FLRT2: variants seen among roughly 807,000 people sequenced by gnomAD.
FLRT2 encodes the protein leucine-rich repeat transmembrane protein FLRT2.
FLRT2 carries 15 observed loss-of-function variants against 40.0 expected under a neutral mutation model. That is an observed-to-expected ratio of 0.38 (90% CI 0.25 to 0.58). The LOEUF (loss-of-function observed/expected upper bound fraction) is 0.58, where lower values mean the gene tolerates loss of function less well. Among genes scored for constraint, FLRT2 ranks in the 20% least tolerant of loss-of-function variants. The probability of loss-of-function intolerance (pLI) is 0.71; values close to 1 mark genes in which losing one functional copy is unlikely to be tolerated. For missense variants in FLRT2, 726 were observed against 840.0 expected (o/e 0.86, Z 1.68); for synonymous variants, 380 against 336.8 (o/e 1.13, Z -1.41).
intron 1 of FLRT2, among the ~76,000 whole-genome samples, chr14:85,613,080 G>A (rs758034530): frequency 1.3e-5 from 2 of 152,062 alleles, no homozygotes; most frequent in Non-Finnish European, 2.9e-5. Context: ...TTCTAACTGT[G>A]TGGAATGGTA....
chr14:85,608,811 G>A lies in FLRT2; in HGVS notation c.-376-12328G>A, dbSNP rs534475882. On this transcript the variant is annotated intron_variant, in intron 1 of 1. Transcript: ENST00000330753. ...GAGCCACTGCCCTCAACAGGCCCACGCAAACATTTGCCAGCGTCCTGAGCA... is the reference window on the plus strand; with the variant it reads ...GAGCCACTGCCCTCAACAGGCCCACACAAACATTTGCCAGCGTCCTGAGCA... Among the ~76,000 whole-genome samples, 17 of 152,244 alleles carry A rather than the reference G, an allele frequency of 1.1e-4. No individual in the cohort carries two copies. In the South Asian group the frequency reaches 1.4e-3, roughly 13 times the overall value.
At chr14:85,616,198 A>G (rs921624343) in intron 1 of FLRT2, among the ~76,000 whole-genome samples, 1 of 152,022 alleles carries the variant, frequency 6.6e-6, no homozygotes, top group Non-Finnish European at 1.5e-5. Context: ...TCTCCTTTAA[A>G]TGAGAATTTC....
rs61634735 is a variant in FLRT2, at chr14:85,566,549, TTG to T, written c.-377+36042_-377+36043del. On this transcript the variant is annotated intron_variant, in intron 1 of 1. Transcript: ENST00000330753. ...CACTCAGTCCTCTTAACTTCCATGG[TTG>T]TGTGTGTGTGTGTGTGTGTGTGTGT... 4.9e-3 allele frequency among the ~76,000 whole-genome samples: 643 copies of T among 130,904 alleles called. 5 individuals carry two copies. Among genetic ancestry groups the T allele is most frequent in the African/African-American group, 0.016 (605 of 37,906 alleles). 85.9% of individuals were successfully genotyped at this position (130,904 alleles called of 152,430 possible).
At chr14:85,578,232 A>T (rs1211074958) in intron 1 of FLRT2, among the ~76,000 whole-genome samples, 1 of 146,538 alleles carries the variant, frequency 6.8e-6, no homozygotes, top group Non-Finnish European at 1.5e-5. Flanking sequence ...ATATTTATAT[A>T]TTTTTTATGT....
At chr14:85,543,529 A>T (rs2139813224) in intron 1 of FLRT2, among the ~76,000 whole-genome samples, 1 of 149,176 alleles carries the variant, frequency 6.7e-6, no homozygotes, top group African/African-American at 2.5e-5. Context: ...TAATTTTCTA[A>T]AAAAAAAAAA....
intron 1 of FLRT2, among the ~76,000 whole-genome samples, chr14:85,592,488 A>G (rs376594836): frequency 6.6e-6 from 1 of 152,150 alleles, no homozygotes; most frequent in Non-Finnish European, 1.5e-5. Flanking sequence ...ATTACTTGCC[A>G]GGTGAAAATC....
At chr14:85,572,347 C>T (rs556457318) in intron 1 of FLRT2, among the ~76,000 whole-genome samples, 265 of 152,284 alleles carry the variant, frequency 1.7e-3, no homozygotes, top group African/African-American at 6.0e-3. Flanking sequence ...GGCTATTCAT[C>T]AGGAGCTGCC....
intron 1 of FLRT2, among the ~76,000 whole-genome samples, chr14:85,580,506 T>C (rs7155195): frequency 0.64 from 97,834 of 152,022 alleles, 32,543 homozygotes; most frequent in African/African-American, 0.81. Context: ...TAGAAAATAG[T>C]ATTCACACAT....
chr14:85,618,688 A>T (rs1893246701), intron 1 of FLRT2, among the ~76,000 whole-genome samples: 1 of 152,238 alleles, frequency 6.6e-6, no homozygotes, highest in East Asian at 1.9e-4. Flanking sequence ...AGAGTCATGT[A>T]ACATGCTCTT....
In FLRT2 at chr14:85,630,258, CACAT is replaced by C. The variant is rs1893830524; in HGVS notation, c.*6764_*6767del. The C allele has an allele frequency of 7.0e-6, 1 of 142,742 alleles. No individual in the cohort carries two copies. The highest frequency in any genetic ancestry group is 2.3e-4 in the South Asian group (1 of 4,334). 8.8% of individuals were successfully genotyped at this position (142,742 alleles called of 1,614,324 possible). ...CCAAACTATATGTCATTTTAGCACACACATACCAATGGGTGATCATATCTGTCTT... is the reference window on the plus strand; with the variant it reads ...CCAAACTATATGTCATTTTAGCACACACCAATGGGTGATCATATCTGTCTT... On this transcript the variant is annotated 3_prime_UTR_variant, in exon 2 of 2. Transcript: ENST00000330753.
intron 1 of FLRT2, among the ~76,000 whole-genome samples, chr14:85,549,345 G>A (rs1040697206): frequency 2.6e-5 from 4 of 152,180 alleles, no homozygotes; most frequent in Non-Finnish European, 5.9e-5. Context: ...GGGCCTGCAC[G>A]GAGTTTTGCT....
intron 1 of FLRT2, among the ~76,000 whole-genome samples, chr14:85,550,303 A>G (rs7153554): frequency 0.84 from 127,954 of 152,160 alleles, 55,494 homozygotes; most frequent in Non-Finnish European, 0.95. Flanking sequence ...CAAGTACGAG[A>G]TTCTAAGAAT....
intron 1 of FLRT2, among the ~76,000 whole-genome samples, chr14:85,618,792 C>T (rs1009409611): frequency 1.3e-5 from 2 of 152,088 alleles, no homozygotes; most frequent in Non-Finnish European, 1.5e-5. Context: ...CCCAGGCTCT[C>T]GCTAACATTC....
At chr14:85,613,282 G>A (rs1447102226) in intron 1 of FLRT2, among the ~76,000 whole-genome samples, 1 of 152,116 alleles carries the variant, frequency 6.6e-6, no homozygotes, top group Non-Finnish European at 1.5e-5. Flanking sequence ...AACCAAGTAT[G>A]TTATGTTTCT....
chr14:85,622,518 G>A lies in FLRT2; in HGVS notation c.1004G>A (p.Arg335Gln), dbSNP rs1893443960. ...LKYIPSSLNV[R>Q]GFMCQGPEQV... ...TATATCCCTTCATCTCTCAACGTGCGGGGTTTCATGTGCCAAGGTCCTGAA... is the reference window on the plus strand; with the variant it reads ...TATATCCCTTCATCTCTCAACGTGCAGGGTTTCATGTGCCAAGGTCCTGAA... Residue 335 changes from arginine (R) to glutamine (Q), a missense_variant, in exon 2 of 2, where the codon CGG (arginine) becomes CAG (glutamine). Around this residue, in one of 3 missense-constraint regions of FLRT2, gnomAD observed 611 missense variants for 690.0 expected, o/e 0.89. Coordinates refer to ENST00000330753, the MANE Select transcript of FLRT2 (RefSeq NM_013231.6). 9 of 1,613,964 alleles carry A rather than the reference G, an allele frequency of 5.6e-6. No individual in the cohort carries two copies. The highest frequency in any genetic ancestry group is 1.6e-4 in the Middle Eastern group (1 of 6,062).
rs1893990784 is a variant in FLRT2, at chr14:85,636,059, G to A, written c.*12562G>A. On this transcript the variant is annotated 3_prime_UTR_variant, in exon 2 of 2. Coordinates refer to ENST00000330753, the MANE Select transcript of FLRT2 (RefSeq NM_013231.6). ...AGTGGTCCTTGGGACTCAGATTAAG[G>A]TATCATTACCTGTTCTTTCATAAGC... 1 of 151,902 alleles carries A rather than the reference G, an allele frequency of 6.6e-6. No homozygotes were observed. The highest frequency in any genetic ancestry group is 2.1e-4 in the South Asian group (1 of 4,818). 9.4% of individuals were successfully genotyped at this position (151,902 alleles called of 1,614,324 possible). A position where few individuals can be genotyped will look rare whatever the true frequency, so the allele number is the denominator to read the frequency against.
chr14:85,632,142 T>A lies in FLRT2; in HGVS notation c.*8645T>A, dbSNP rs555339660. 6.6e-6 allele frequency: 1 copy of A among 151,946 alleles called. No homozygotes were observed. Among genetic ancestry groups the A allele is most frequent in the Non-Finnish European group, 1.5e-5 (1 of 68,058 alleles). The allele number at this position is 151,946 out of a possible 1,614,324, so 9.4% of individuals were successfully genotyped here. A position where few individuals can be genotyped will look rare whatever the true frequency, so the allele number is the denominator to read the frequency against. On this transcript the variant is annotated 3_prime_UTR_variant, in exon 2 of 2. Coordinates refer to ENST00000330753, the MANE Select transcript of FLRT2 (RefSeq NM_013231.6). ...CGCCCAGCCAAGAACATCCTTTTTA[T>A]ATATTACAGACAAACTCAAAACTGA...
At chr14:85,587,687 G>T (rs916276254) in intron 1 of FLRT2, among the ~76,000 whole-genome samples, 3 of 151,758 alleles carry the variant, frequency 2.0e-5, no homozygotes, top group Admixed American at 6.6e-5. Flanking sequence ...CAGCTCAAAA[G>T]AACAAAATCA....
rs765620736 is a variant in FLRT2, at chr14:85,627,477, T to C, written c.*3980T>C. ...GTTATAACAAAACAAATTTTTTTAC[T>C]ATAGTTTTTTGTTTTCTACCTGCAC... On this transcript the variant is annotated 3_prime_UTR_variant, in exon 2 of 2. Transcript: ENST00000330753. 2.4e-5 allele frequency: 4 copies of C among 167,018 alleles called. No individual in the cohort carries two copies. Among genetic ancestry groups the C allele is most frequent in the Non-Finnish European group, 5.9e-5 (4 of 68,098 alleles). The allele number at this position is 167,018 out of a possible 1,614,324, so 10.3% of individuals were successfully genotyped here. A position where few individuals can be genotyped will look rare whatever the true frequency, so the allele number is the denominator to read the frequency against.
Sources: gnomAD v4.1 joint callset for allele counts (sites outside exome capture counted in the v4.1 genomes callset) on GRCh38, gnomAD v4.1.1 for gene constraint, gnomAD v4.1.1 regional missense constraint, MANE v1.5 for transcripts, NCBI Gene and HGNC (gene_info 2026-07-23, HGNC 2026-07-21) for gene names.